The following PCLO variants were observed in gnomAD, a reference collection of about 807,000 sequenced individuals.
PCLO encodes the protein piccolo presynaptic cytomatrix protein.
A neutral mutation model predicts 427.5 loss-of-function variants in PCLO; 82 were observed. The observed-to-expected ratio is 0.19, with a 90% CI of 0.16 to 0.23. PCLO has a LOEUF of 0.23. Among genes scored for constraint, PCLO ranks in the 10% least tolerant of loss-of-function variants. PCLO has a pLI of 1.00. For missense variants in PCLO, 6,239 were observed against 6,115.9 expected, an observed-to-expected ratio of 1.02 and a Z score of -0.67; for synonymous variants, 2,357 against 2,155.4, an observed-to-expected ratio of 1.09 and a Z score of -2.59.
intron 22 of PCLO, among the ~76,000 whole-genome samples, chr7:82,776,148 TA>T (rs1413366553): frequency 6.6e-6 from 1 of 152,292 alleles, no homozygotes; most frequent in East Asian, 1.9e-4. Flanking sequence ...TTGCAATTTT[TA>T]TGTACCTTTG....
intron 3 of PCLO, among the ~76,000 whole-genome samples, chr7:82,983,042 G>T (rs1457430522): frequency 6.6e-6 from 1 of 151,494 alleles, no homozygotes; most frequent in Non-Finnish European, 1.5e-5. Flanking sequence ...TGAGGTAAAA[G>T]TTACCTAGTA....
chr7:83,055,686 A>G (rs1347123606), intron 3 of PCLO, among the ~76,000 whole-genome samples: 1 of 152,178 alleles, frequency 6.6e-6, no homozygotes, highest in Non-Finnish European at 1.5e-5. Flanking sequence ...AATAAAAATT[A>G]TTGCTGAATA....
chr7:83,086,725 G>T (rs34700724), intron 3 of PCLO, among the ~76,000 whole-genome samples: 18,295 of 151,922 alleles, frequency 0.12, 1,210 homozygotes, highest in Non-Finnish European at 0.13. Context: ...TTCTGAAAAA[G>T]AAATCAACAG....
chr7:82,986,501 T>C (rs1296672725), intron 3 of PCLO, among the ~76,000 whole-genome samples: 1 of 151,962 alleles, frequency 6.6e-6, no homozygotes, highest in African/African-American at 2.4e-5. Context: ...CTCTTAACTC[T>C]TTTATATTTA....
At chr7:82,879,493 C>T (rs772934545) in intron 9 of PCLO, 31 bp from the exon 10 acceptor site, 9 of 1,500,762 alleles carry the variant, frequency 6.0e-6, no homozygotes, top group South Asian at 4.8e-5. Context: ...ATTATTAGTA[C>T]TAATTTAAGA....
intron 3 of PCLO, among the ~76,000 whole-genome samples, chr7:83,034,195 C>T (rs904218546): frequency 3.3e-5 from 5 of 151,966 alleles, no homozygotes; most frequent in African/African-American, 1.2e-4. Flanking sequence ...CATGCTGTTT[C>T]CTTTTATTCC....
Position 82,820,451 on chromosome 7 carries a change from T to C in PCLO, c.14791+2044A>G, listed in dbSNP as rs533244517. 3.3e-5 allele frequency: 36 copies of C among 1,096,570 alleles called. 1 individual carries two copies. The South Asian group carries it at 1.7e-3, about 51-fold the overall frequency. 67.9% of individuals were successfully genotyped at this position (1,096,570 alleles called of 1,614,324 possible). The stretch of plus-strand genomic sequence containing the variant: ...GACACATTCATTTTAAGCTGCATCA[T>C]ATAACAATGGCTCAGAACCCAGTAG... On this transcript the variant is annotated intron_variant, in intron 20 of 24. Transcript: ENST00000333891.
rs146752221 is a variant in PCLO, at chr7:82,870,271, C to G, written c.13654+9066G>C. 3.8e-3 allele frequency among the ~76,000 whole-genome samples: 576 copies of G among 151,952 alleles called. 2 individuals carry two copies. The highest frequency in any genetic ancestry group is 7.1e-3 in the South Asian group (34 of 4,818). ...AGACTAATGGAACAGAATACAGAAC[C>G]CAGAAATAAGTACATGCATTTACAG... On this transcript the variant is annotated intron_variant, in intron 10 of 24. Transcript: ENST00000333891.
At chr7:83,015,561 A>G (rs896853690) in intron 3 of PCLO, among the ~76,000 whole-genome samples, 4 of 152,154 alleles carry the variant, frequency 2.6e-5, no homozygotes, top group African/African-American at 9.7e-5. Context: ...ATTATCAATG[A>G]GTTGTGTTAA....
chr7:82,893,096 T>C (rs1001595875), intron 9 of PCLO, among the ~76,000 whole-genome samples: 7 of 152,052 alleles, frequency 4.6e-5, no homozygotes, highest in Admixed American at 6.6e-5. Flanking sequence ...GGACTATAAA[T>C]CATGCTGCTA....
At chr7:82,838,843 T>G (rs1396556758) in intron 14 of PCLO, among the ~76,000 whole-genome samples, 1 of 152,010 alleles carries the variant, frequency 6.6e-6, no homozygotes, top group Non-Finnish European at 1.5e-5. Context: ...ACACAGATTA[T>G]TACTTTTTAA....
intron 22 of PCLO, 67 bp from the exon 23 acceptor site, chr7:82,761,560 T>C (rs1562773918): frequency 8.6e-7 from 1 of 1,158,202 alleles, no homozygotes; most frequent in East Asian, 2.4e-5. Flanking sequence ...AGTTCAGTAA[T>C]TCATTCATAC....
chr7:83,066,326 T>C (rs1789670079), intron 3 of PCLO, among the ~76,000 whole-genome samples: 1 of 152,122 alleles, frequency 6.6e-6, no homozygotes, highest in Non-Finnish European at 1.5e-5. Context: ...TCTCAGCTTT[T>C]TATCTGGTAT....
At chr7:82,983,169 T>A (rs2115789025) in intron 3 of PCLO, among the ~76,000 whole-genome samples, 1 of 151,520 alleles carries the variant, frequency 6.6e-6, no homozygotes, top group Admixed American at 6.6e-5. Context: ...TACAAAAAAT[T>A]GCCTTTTATA....
At position 82,901,705 on chromosome 7, in the gene PCLO, C is replaced by A. The variant is rs546854497; in HGVS notation, c.13528+946G>T. On this transcript the variant is annotated intron_variant, in intron 9 of 24. Transcript: ENST00000333891. ...ACAAAGGGCTAATATCCAGAATCTA[C>A]AACGAACTCAAACAAATTTACAAGC... Among the ~76,000 whole-genome samples the A allele has an allele frequency of 7.9e-5, 12 of 152,204 alleles. No homozygotes were observed. The South Asian group carries it at 2.5e-3, about 32-fold the overall frequency.
At chr7:82,913,854 T>A (rs554738195) in intron 7 of PCLO, among the ~76,000 whole-genome samples, 1 of 152,054 alleles carries the variant, frequency 6.6e-6, no homozygotes, top group African/African-American at 2.4e-5. Flanking sequence ...TTAGGGCAAA[T>A]ACATGGGATG....
chr7:83,161,780 T>C (rs1792443407), intron 1 of PCLO, among the ~76,000 whole-genome samples: 1 of 152,218 alleles, frequency 6.6e-6, no homozygotes, highest in African/African-American at 2.4e-5. Flanking sequence ...ACACATATTT[T>C]AGGGTTCCTC....
chr7:82,788,230 A>C (rs1362909678), intron 22 of PCLO, among the ~76,000 whole-genome samples: 1 of 147,582 alleles, frequency 6.8e-6, no homozygotes, highest in African/African-American at 2.5e-5. Flanking sequence ...ATTATATATA[A>C]TATATAATTT....
At chr7:82,770,110 A>G (rs1452792947) in intron 22 of PCLO, among the ~76,000 whole-genome samples, 1 of 152,038 alleles carries the variant, frequency 6.6e-6, no homozygotes, top group East Asian at 1.9e-4. Flanking sequence ...TTTCTATTCT[A>G]CCAGTTTCAA....
Sources: gnomAD v4.1 joint callset for allele counts (sites outside exome capture counted in the v4.1 genomes callset) on GRCh38, gnomAD v4.1.1 for gene constraint, MANE v1.5 for transcripts, NCBI Gene and HGNC (gene_info 2026-07-23, HGNC 2026-07-21) for gene names.